Variants in MMP26 observed in about 807,000 individuals in gnomAD.
MMP26 encodes the protein matrix metalloproteinase-26.
Under a neutral mutation model 31.0 loss-of-function variants are expected in MMP26, and 33 were observed. The observed-to-expected ratio is 1.06, with a 90% CI of 0.81 to 1.42. The LOEUF is 1.42. Ranked by LOEUF, MMP26 falls within the 40% of genes most tolerant of loss-of-function variation. MMP26 has a pLI of 0.00. For missense variants in MMP26, 347 were observed against 316.1 expected (o/e 1.10, Z -0.74); for synonymous variants, 122 against 114.9 (o/e 1.06, Z -0.40).
intron 2 of MMP26, among the ~76,000 whole-genome samples, chr11:4,859,448 T>C (rs964580700): frequency 2.0e-5 from 3 of 152,204 alleles, no homozygotes; most frequent in African/African-American, 7.2e-5. Flanking sequence ...ATATAGTATA[T>C]ACAGAACAAT....
chr11:4,915,907 C>A (rs1330014857), intron 2 of MMP26, among the ~76,000 whole-genome samples: 2 of 152,122 alleles, frequency 1.3e-5, no homozygotes, highest in South Asian at 2.1e-4. Flanking sequence ...AAGTGATGAG[C>A]CAAACTGGGT....
At position 4,774,118 on chromosome 11, in the gene MMP26, G is replaced by A. The variant is rs1410698367; in HGVS notation, c.-145+6777G>A. Among the ~76,000 whole-genome samples the A allele has an allele frequency of 3.9e-5, 6 of 152,196 alleles. No individual in the cohort carries two copies. In the East Asian group the frequency reaches 1.2e-3, roughly 29 times the overall value. On this transcript the variant is annotated intron_variant, in intron 2 of 7. Coordinates refer to ENST00000380390, the MANE Select transcript of MMP26 (RefSeq NM_021801.5). ...TGAACATACATGTACATGTTTCTTT[G>A]TAACAGAATAATTTCTATTCCTTTG... is the stretch of plus-strand genomic sequence containing the variant.
intron 2 of MMP26, among the ~76,000 whole-genome samples, chr11:4,916,811 C>T (rs1851100590): frequency 6.6e-6 from 1 of 152,310 alleles, no homozygotes; most frequent in Non-Finnish European, 1.5e-5. Flanking sequence ...TCCAGGAATC[C>T]AACTGCTGTG....
intron 2 of MMP26, among the ~76,000 whole-genome samples, chr11:4,790,307 C>T (rs1441602351): frequency 6.6e-6 from 1 of 152,132 alleles, no homozygotes; most frequent in African/African-American, 2.4e-5. Context: ...TGCGCCATTG[C>T]CATTGCACTC....
At chr11:4,899,216 C>G (rs1850765972) in intron 2 of MMP26, among the ~76,000 whole-genome samples, 1 of 152,152 alleles carries the variant, frequency 6.6e-6, no homozygotes, top group Non-Finnish European at 1.5e-5. Context: ...GAAAGGCTGA[C>G]AGAGAAATTC....
intron 1 of MMP26, chr11:4,710,707 T>C (rs1010237835): frequency 6.1e-6 from 2 of 326,632 alleles, no homozygotes; most frequent in African/African-American, 4.3e-5. Flanking sequence ...TGTCGGTACT[T>C]CTGATCCTTT....
intron 2 of MMP26, among the ~76,000 whole-genome samples, chr11:4,956,196 T>C (rs1410403745): frequency 1.3e-5 from 2 of 152,176 alleles, no homozygotes; most frequent in African/African-American, 2.4e-5. Context: ...GTGGATATTT[T>C]GGCGGGCATT....
chr11:4,971,995 C>G (rs1049960238), intron 2 of MMP26, among the ~76,000 whole-genome samples: 1 of 152,154 alleles, frequency 6.6e-6, no homozygotes, highest in Non-Finnish European at 1.5e-5. Flanking sequence ...CAACTCCACA[C>G]TAGGCCCCAT....
chr11:4,907,468 C>T (rs1206048718), intron 2 of MMP26: 2 of 1,613,932 alleles, frequency 1.2e-6, no homozygotes, highest in African/African-American at 2.7e-5. Flanking sequence ...CCATTTGCCT[C>T]ATGTACCTGC....
intron 2 of MMP26, among the ~76,000 whole-genome samples, chr11:4,823,741 C>A (rs1849543536): frequency 6.6e-6 from 1 of 152,126 alleles, no homozygotes; most frequent in Non-Finnish European, 1.5e-5. Context: ...GCTCAAATGT[C>A]TCAGATAGCA....
intron 2 of MMP26, chr11:4,860,668 T>C: frequency 2.9e-6 from 1 of 348,452 alleles, no homozygotes; most frequent in Non-Finnish European, 5.7e-6. Context: ...TATGAATGCA[T>C]AGTAGAATAG....
At chr11:4,845,759 ATAATC>A (rs1849858337) in intron 2 of MMP26, among the ~76,000 whole-genome samples, 1 of 152,220 alleles carries the variant, frequency 6.6e-6, no homozygotes, top group African/African-American at 2.4e-5. Context: ...AAAAAAACCA[ATAATC>A]TAATCAATAA....
intron 2 of MMP26, chr11:4,822,216 C>T: frequency 1.3e-6 from 2 of 1,587,756 alleles, no homozygotes; most frequent in Non-Finnish European, 1.7e-6. Flanking sequence ...TTGTCCATCG[C>T]TATGGCCATT....
chr11:4,723,449 GCACCA>G lies in MMP26; in HGVS notation c.-217+18407_-217+18411del. ...AGGGAGCGGCTGCTGTCCATGGACA[GCACCA>G]CAGATGTGTCCGAAATCTGGGACTG... On this transcript the variant is annotated intron_variant, in intron 1 of 7. Coordinates refer to ENST00000380390, the MANE Select transcript of MMP26 (RefSeq NM_021801.5). The G allele has an allele frequency of 2.9e-6, 3 of 1,038,534 alleles. 1 individual carries two copies. Among genetic ancestry groups the G allele is most frequent in the East Asian group, 2.4e-5 (1 of 42,202 alleles). The allele number at this position is 1,038,534 out of a possible 1,614,324, so 64.3% of individuals were successfully genotyped here. A position where few individuals can be genotyped will look rare whatever the true frequency, so the allele number is the denominator to read the frequency against.
intron 2 of MMP26, among the ~76,000 whole-genome samples, chr11:4,900,268 C>T (rs1394489311): frequency 3.9e-5 from 6 of 152,168 alleles, no homozygotes. Context: ...CCCTGAGATA[C>T]TAGGTTTGGC....
intron 2 of MMP26, chr11:4,915,382 T>C (rs932652045): frequency 3.7e-6 from 6 of 1,613,906 alleles, no homozygotes; most frequent in Non-Finnish European, 5.1e-6. Flanking sequence ...TAATTTCTCG[T>C]GCTCCAACCC....
At chr11:4,880,731 C>T (rs1312163300) in intron 2 of MMP26, among the ~76,000 whole-genome samples, 1 of 152,016 alleles carries the variant, frequency 6.6e-6, no homozygotes. Context: ...TTATTAAGCA[C>T]CAAGGGAAAG....
At chr11:4,792,833 GTGT>G (rs1210237846) in intron 2 of MMP26, among the ~76,000 whole-genome samples, 3 of 152,176 alleles carry the variant, frequency 2.0e-5, no homozygotes, top group East Asian at 1.9e-4. Context: ...GGGATTATAT[GTGT>G]TGTTGTGTAT....
At chr11:4,716,003 TAC>T (rs781384920) in intron 1 of MMP26, among the ~76,000 whole-genome samples, 20 of 152,180 alleles carry the variant, frequency 1.3e-4, no homozygotes, top group Non-Finnish European at 2.8e-4. Context: ...AAGGAGGTTC[TAC>T]TGCTGGATTT....
Sources: gnomAD v4.1 joint callset for allele counts (sites outside exome capture counted in the v4.1 genomes callset) on GRCh38, gnomAD v4.1.1 for gene constraint, MANE v1.5 for transcripts, NCBI Gene and HGNC (gene_info 2026-07-23, HGNC 2026-07-21) for gene names.